DMRT3: variants seen among roughly 807,000 people sequenced by gnomAD.
The protein encoded by DMRT3 is doublesex and mab-3 related transcription factor 3.
In DMRT3, 29 loss-of-function variants were observed where a neutral mutation model predicts 34.9. That is an observed-to-expected ratio of 0.83 (90% confidence interval 0.62 to 1.13). The LOEUF is 1.13. Among genes scored for constraint, DMRT3 ranks in the 50% most tolerant of loss-of-function variants. The pLI, the probability that DMRT3 is intolerant of heterozygous loss-of-function variation, is 0.00. For missense variants in DMRT3, 772 were observed against 629.1 expected (o/e 1.23, Z -2.43); for synonymous variants, 350 against 286.0 (o/e 1.22, Z -2.26).
chr9:986,715 A>G (rs981030160), intron 1 of DMRT3, among the ~76,000 whole-genome samples: 2 of 151,772 alleles, frequency 1.3e-5, no homozygotes, highest in African/African-American at 4.8e-5. Context: ...ACATAGTGAA[A>G]CCCTGTCTCT....
chr9:989,447 G>A (rs542073198), intron 1 of DMRT3, among the ~76,000 whole-genome samples: 1 of 152,184 alleles, frequency 6.6e-6, no homozygotes, highest in African/African-American at 2.4e-5. Flanking sequence ...AATGGATAGA[G>A]GTATCTTTCA....
intron 1 of DMRT3, among the ~76,000 whole-genome samples, chr9:986,697 C>T (rs144444890): frequency 1.9e-3 from 291 of 152,098 alleles, no homozygotes; most frequent in African/African-American, 6.6e-3. Flanking sequence ...TCGAGAGGAG[C>T]CTGGCCAACA....
chr9:988,350 T>A (rs1301286572), intron 1 of DMRT3, among the ~76,000 whole-genome samples: 1 of 152,130 alleles, frequency 6.6e-6, no homozygotes, highest in African/African-American at 2.4e-5. Context: ...AATTGAAGAG[T>A]GTTTTAAAGT....
intron 1 of DMRT3, 107 bp downstream of exon 1, chr9:977,562 C>A: frequency 9.7e-7 from 1 of 1,031,790 alleles, no homozygotes; most frequent in Non-Finnish European, 1.2e-6. Flanking sequence ...GGGACGTGGG[C>A]CTGTCGGGGC....
At chr9:988,363 A>T (rs1401040151) in intron 1 of DMRT3, among the ~76,000 whole-genome samples, 1 of 152,208 alleles carries the variant, frequency 6.6e-6, no homozygotes, top group Non-Finnish European at 1.5e-5. Context: ...TTTAAAGTGT[A>T]TTTACTTATG....
Position 991,124 on chromosome 9 carries a change from C to G in DMRT3, c.*119C>G, listed in dbSNP as rs1032618004. The G allele has an allele frequency of 7.5e-6, 10 of 1,334,188 alleles. No individual in the cohort carries two copies. In the African/African-American group the frequency reaches 1.2e-4, roughly 16 times the overall value. The allele number at this position is 1,334,188 out of a possible 1,614,324, so 82.6% of individuals were successfully genotyped here. On this transcript the variant is annotated 3_prime_UTR_variant, in exon 2 of 2. Transcript: ENST00000190165. ...CCTTCTGTTTGACAAAGTGACTGTG[C>G]TTGATTCTATACATTAGCAATAAAA...
At chr9:982,872 C>G (rs545390405) in intron 1 of DMRT3, among the ~76,000 whole-genome samples, 2 of 152,142 alleles carry the variant, frequency 1.3e-5, no homozygotes, top group African/African-American at 4.8e-5. Flanking sequence ...GCCTTTAAAC[C>G]TGTTGCAGCC....
intron 1 of DMRT3, 185 bp from the exon 2 acceptor site, chr9:989,856 T>C: frequency 1.5e-6 from 1 of 678,530 alleles, no homozygotes; most frequent in Non-Finnish European, 2.4e-6. Context: ...GATCTTTATT[T>C]ACAGGGTTTT....
rs371999489 is a variant in DMRT3 at position 990,867 on chromosome 9, C to T, written c.1281C>T (p.Ala427=). 6.8e-6 allele frequency: 11 copies of T among 1,613,986 alleles called. No homozygotes were observed. The highest frequency in any genetic ancestry group is 9.3e-6 in the Non-Finnish European group (11 of 1,180,020). The change falls in exon 2 of 2, where the codon GCC becomes GCT. Residue 427 remains alanine, a synonymous_variant. Transcript: ENST00000190165. ...SVFRSSPVLP[A]RATEDPRISI... Reference sequence around the variant, plus strand: ...TCAGAAGCTCGCCCGTCCTTCCTGCCCGCGCCACGGAAGACCCTCGGATTT... The same window carrying T: ...TCAGAAGCTCGCCCGTCCTTCCTGCTCGCGCCACGGAAGACCCTCGGATTT...
At chr9:982,224 C>T (rs879769293) in intron 1 of DMRT3, among the ~76,000 whole-genome samples, 2 of 152,194 alleles carry the variant, frequency 1.3e-5, no homozygotes, top group Non-Finnish European at 2.9e-5. Flanking sequence ...TCTCCTAGTT[C>T]TTTCTCTGCA....
At chr9:985,572 T>A (rs1820273284) in intron 1 of DMRT3, among the ~76,000 whole-genome samples, 2 of 152,234 alleles carry the variant, frequency 1.3e-5, no homozygotes, top group Non-Finnish European at 2.9e-5. Flanking sequence ...CCTCTATAAT[T>A]ACCTGTGAAA....
chr9:990,545 C>T lies in DMRT3; in HGVS notation c.959C>T (p.Ser320Phe). Residue 320 changes from serine (S) to phenylalanine (F), a missense_variant, in exon 2 of 2, where the codon TCC becomes TTC. Ser to Phe is a radical substitution (Grantham distance 155). Coordinates refer to ENST00000190165, the MANE Select transcript of DMRT3 (RefSeq NM_021240.4). ...CACATCTTTGAACACACCTTGAGCTCCTACCCCATCTCGTCTTCCAAATGG... is the reference window on the plus strand; with the variant it reads ...CACATCTTTGAACACACCTTGAGCTTCTACCCCATCTCGTCTTCCAAATGG... ...NGHIFEHTLS[S>F]YPISSSKWSV... The T allele has an allele frequency of 3.1e-6, 5 of 1,614,124 alleles. No homozygotes were observed. In the East Asian group the frequency reaches 8.9e-5, roughly 29 times the overall value.
chr9:985,567 A>C (rs910900198), intron 1 of DMRT3, among the ~76,000 whole-genome samples: 8 of 152,240 alleles, frequency 5.3e-5, no homozygotes, highest in Non-Finnish European at 1.0e-4. Flanking sequence ...CTCACCCTCT[A>C]TAATTACCTG....
chr9:987,341 G>T (rs998182391), intron 1 of DMRT3, among the ~76,000 whole-genome samples: 1 of 151,728 alleles, frequency 6.6e-6, no homozygotes, highest in Non-Finnish European at 1.5e-5. Context: ...TTAGCCTAAT[G>T]TTCTCAAGGT....
rs893473846 is a variant in DMRT3 at position 976,831 on chromosome 9, G to T, written c.-171G>T. On this transcript the variant is annotated 5_prime_UTR_variant, in exon 1 of 2. Transcript: ENST00000190165. This position sits in a 1 kb window ranked among gnomAD's most constrained non-coding sequence, Gnocchi z 4.5. ...CTGTGAGCGCGAAGGGAGCTGGAGA[G>T]ACGACTGCGGCACCTCCGGCCGCCC... The T allele has an allele frequency of 1.4e-5, 8 of 561,152 alleles. No homozygotes were observed. The highest frequency in any genetic ancestry group is 3.5e-5 in the East Asian group (1 of 28,570). 34.8% of individuals were successfully genotyped at this position (561,152 alleles called of 1,614,324 possible).
chr9:988,368 C>T (rs965750452), intron 1 of DMRT3, among the ~76,000 whole-genome samples: 3 of 152,164 alleles, frequency 2.0e-5, no homozygotes, highest in African/African-American at 7.2e-5. Context: ...AGTGTATTTA[C>T]TTATGTTTGC....
chr9:987,952 G>A (rs756543520), intron 1 of DMRT3, among the ~76,000 whole-genome samples: 6 of 152,146 alleles, frequency 3.9e-5, no homozygotes, highest in Non-Finnish European at 8.8e-5. Context: ...AAGTATGTAT[G>A]GGTCATGAGT....
intron 1 of DMRT3, among the ~76,000 whole-genome samples, chr9:989,149 TA>T (rs1372243936): frequency 6.6e-6 from 1 of 152,202 alleles, no homozygotes; most frequent in Non-Finnish European, 1.5e-5. Flanking sequence ...TCACTGGCTT[TA>T]AAAAAAGGTA....
chr9:990,079 G>C lies in DMRT3; in HGVS notation c.493G>C (p.Asp165His), dbSNP rs1338987288. The C allele has an allele frequency of 1.2e-6, 2 of 1,613,970 alleles. No homozygotes were observed. Among genetic ancestry groups the C allele is most frequent in the Non-Finnish European group, 1.7e-6 (2 of 1,180,014 alleles). Residue 165 changes from aspartate to histidine, a missense_variant, in exon 2 of 2, where the codon GAC becomes CAC. Coordinates refer to ENST00000190165, the MANE Select transcript of DMRT3 (RefSeq NM_021240.4). ...ACGACTTGGAGACGGCAAGTCGGCA[G>C]ACAATACAGAGGTCTTCAGTGACAA... The part of the protein sequence containing the change: ...EERLGDGKSA[D>H]NTEVFSDKDT...
Sources: gnomAD v4.1 joint callset for allele counts (sites outside exome capture counted in the v4.1 genomes callset) on GRCh38, gnomAD v4.1.1 for gene constraint, Gnocchi (gnomAD v3.1) non-coding constraint, MANE v1.5 for transcripts, NCBI Gene and HGNC (gene_info 2026-07-23, HGNC 2026-07-21) for gene names.